The following SMURF1 variants were observed in gnomAD, a reference collection of about 807,000 sequenced individuals.
SMURF1 encodes E3 ubiquitin-protein ligase SMURF1.
SMURF1 carries 44 observed loss-of-function variants against 98.0 expected under a neutral mutation model. The ratio of observed to expected loss-of-function variants is 0.45; its 90% CI spans 0.35 to 0.58. The LOEUF (loss-of-function observed/expected upper bound fraction) is 0.58. Ranked by LOEUF, SMURF1 falls within the 20% of genes least tolerant of loss-of-function variation. SMURF1 has a pLI of 0.00. For synonymous variants in SMURF1, 396 were observed against 374.9 expected, an observed-to-expected ratio of 1.06 and a Z score of -0.65; for missense variants, 687 against 938.4, an observed-to-expected ratio of 0.73 and a Z score of 3.50.
intron 1 of SMURF1, among the ~76,000 whole-genome samples, chr7:99,129,571 T>C (rs1310701540): frequency 6.6e-6 from 1 of 152,166 alleles, no homozygotes; most frequent in African/African-American, 2.4e-5. Flanking sequence ...TTTTCTATTT[T>C]TGTATAGATA....
chr7:99,127,074 T>C (rs898906402), intron 1 of SMURF1, among the ~76,000 whole-genome samples: 2 of 152,122 alleles, frequency 1.3e-5, no homozygotes, highest in Non-Finnish European at 2.9e-5. Flanking sequence ...GAGCTGGAGG[T>C]TCCTAGTGCT....
chr7:99,109,016 G>A (rs1382451139), intron 1 of SMURF1, among the ~76,000 whole-genome samples: 4 of 152,112 alleles, frequency 2.6e-5, no homozygotes, highest in Non-Finnish European at 5.9e-5. Flanking sequence ...TCCTCTCCAA[G>A]CCTACTCTGC....
intron 12 of SMURF1, among the ~76,000 whole-genome samples, chr7:99,041,296 G>C (rs1186757130): frequency 6.6e-6 from 1 of 152,114 alleles, no homozygotes; most frequent in Non-Finnish European, 1.5e-5. Context: ...CAGCTACTCG[G>C]GAGGCTGAGG....
intron 1 of SMURF1, among the ~76,000 whole-genome samples, chr7:99,099,335 T>A (rs1584177607): frequency 6.9e-6 from 1 of 145,194 alleles, no homozygotes; most frequent in African/African-American, 2.6e-5. Context: ...TCGAGGGAGG[T>A]TTTACATTGC....
intron 1 of SMURF1, among the ~76,000 whole-genome samples, chr7:99,085,538 C>T (rs1278700546): frequency 6.6e-6 from 1 of 151,974 alleles, no homozygotes; most frequent in Non-Finnish European, 1.5e-5. Context: ...ACTAATACAC[C>T]CATTATCAAT....
chr7:99,089,418 C>T (rs1295137833), intron 1 of SMURF1, among the ~76,000 whole-genome samples: 5 of 151,926 alleles, frequency 3.3e-5, no homozygotes, highest in East Asian at 1.9e-4. Flanking sequence ...GCAGGAGGAT[C>T]GCTTGGGCCC....
chr7:99,130,311 G>A (rs1259039370), intron 1 of SMURF1, among the ~76,000 whole-genome samples: 1 of 152,148 alleles, frequency 6.6e-6, no homozygotes. Context: ...AAATTAGCCA[G>A]GCGCAGTGGC....
chr7:99,038,197 G>GC (rs1703743772), intron 14 of SMURF1, among the ~76,000 whole-genome samples, 191 bp downstream of exon 14: 1 of 152,146 alleles, frequency 6.6e-6, no homozygotes, highest in African/African-American at 2.4e-5. Context: ...CCCCATCAGG[G>GC]CCCCTCCAAG....
At chr7:99,034,690 C>T (rs1795061826) in intron 16 of SMURF1, among the ~76,000 whole-genome samples, 2 of 152,166 alleles carry the variant, frequency 1.3e-5, no homozygotes, top group Admixed American at 6.5e-5. Flanking sequence ...CAGACAGAGG[C>T]TCCCAGATAC....
intron 1 of SMURF1, among the ~76,000 whole-genome samples, chr7:99,080,215 C>T (rs754090269): frequency 1.9e-4 from 29 of 152,160 alleles, no homozygotes; most frequent in Non-Finnish European, 3.8e-4. Context: ...AGTAGTGAAA[C>T]CCTGACCAAT....
chr7:99,076,695 T>C (rs1247622632), intron 1 of SMURF1, among the ~76,000 whole-genome samples: 1 of 152,244 alleles, frequency 6.6e-6, no homozygotes. Flanking sequence ...AGTAACAGTG[T>C]ATTAAAATTG....
rs370009727 is a variant in SMURF1 at position 99,042,041 on chromosome 7, G to A, written c.1371+77C>T. 1.1e-5 allele frequency: 13 copies of A among 1,148,880 alleles called. No homozygotes were observed. In the South Asian group the frequency reaches 1.4e-4, roughly 12 times the overall value. The allele number at this position is 1,148,880 out of a possible 1,614,324, so 71.2% of individuals were successfully genotyped here. On this transcript the variant is annotated intron_variant, in intron 12 of 17. Coordinates refer to ENST00000361368, the MANE Select transcript of SMURF1 (RefSeq NM_181349.3). ...TTAAGTCTACAACAAATAGACCAAG[G>A]ACTGAGAATGAAACTGAAAATCCAT...
intron 1 of SMURF1, among the ~76,000 whole-genome samples, chr7:99,133,471 C>G (rs1797918702): frequency 6.6e-6 from 1 of 151,970 alleles, no homozygotes; most frequent in Admixed American, 6.6e-5. Context: ...TATGTGACAC[C>G]AATCCACACT....
intron 1 of SMURF1, among the ~76,000 whole-genome samples, chr7:99,135,795 T>A (rs1204010298): frequency 6.6e-6 from 1 of 152,226 alleles, no homozygotes; most frequent in East Asian, 1.9e-4. Flanking sequence ...CATAAACATT[T>A]ATGATCTGAT....
rs141077945 is a variant in SMURF1 at position 99,095,204 on chromosome 7, C to T, written c.56-33367G>A. Among the ~76,000 whole-genome samples the T allele has an allele frequency of 8.0e-3, 1,219 of 152,160 alleles. 12 individuals are homozygous for T. The highest frequency in any genetic ancestry group is 0.025 in the African/African-American group (1,055 of 41,516). ...AAGAGATTCTCTTGCCTCAGCCTCC[C>T]GAGTAGCTGGGATTACAGGCATGCG... On this transcript the variant is annotated intron_variant, in intron 1 of 17. Transcript: ENST00000361368.
chr7:99,099,209 CTT>C (rs57973305), intron 1 of SMURF1, among the ~76,000 whole-genome samples: 56 of 129,438 alleles, frequency 4.3e-4, no homozygotes, highest in Admixed American at 6.2e-4. Flanking sequence ...AACACTACTA[CTT>C]TTTTTTTTTT....
At chr7:99,050,827 G>T in intron 8 of SMURF1, 1 of 926,640 alleles carries the variant, frequency 1.1e-6, no homozygotes, top group Non-Finnish European at 1.6e-6. Context: ...ATCATATTAG[G>T]TAGTAATGCT....
chr7:99,080,591 GCCC>G (rs1796558937), intron 1 of SMURF1, among the ~76,000 whole-genome samples: 1 of 152,142 alleles, frequency 6.6e-6, no homozygotes, highest in Non-Finnish European at 1.5e-5. Context: ...GAGCCACCAC[GCCC>G]GGCTAAACCT....
Position 99,033,210 on chromosome 7 carries a change from C to T in SMURF1, c.2012-89G>A, listed in dbSNP as rs185487062. 9.3e-5 allele frequency: 120 copies of T among 1,289,408 alleles called. No homozygotes were observed. In the East Asian group the frequency reaches 2.7e-3, roughly 29 times the overall value. 79.9% of individuals were successfully genotyped at this position (1,289,408 alleles called of 1,614,324 possible). ...CAGCCCCCAGGAGCAGGGCCCTGAC[C>T]ACATTCCCACCCCCACACCCAGGCA... is the stretch of plus-strand genomic sequence containing the variant. On this transcript the variant is annotated intron_variant, in intron 16 of 17. Transcript: ENST00000361368.
Sources: gnomAD v4.1 joint callset for allele counts (sites outside exome capture counted in the v4.1 genomes callset) on GRCh38, gnomAD v4.1.1 for gene constraint, MANE v1.5 for transcripts, NCBI Gene and HGNC (gene_info 2026-07-23, HGNC 2026-07-21) for gene names.